The following MSRB3 variants were observed in gnomAD, a reference collection of about 807,000 sequenced individuals.
The protein encoded by MSRB3 is methionine-R-sulfoxide reductase B3.
Under a neutral mutation model 21.0 loss-of-function variants are expected in MSRB3, and 13 were observed. The ratio of observed to expected loss-of-function variants is 0.62; its 90% CI spans 0.40 to 0.98. MSRB3 has a LOEUF of 0.98. Among genes scored for constraint, MSRB3 ranks in the 50% least tolerant of loss-of-function variants. The pLI, the probability that MSRB3 is intolerant of heterozygous loss-of-function variation, is 0.00. For missense variants in MSRB3, 199 were observed against 230.3 expected, an observed-to-expected ratio of 0.86 and a Z score of 0.88; for synonymous variants, 87 against 88.6, an observed-to-expected ratio of 0.98 and a Z score of 0.10.
intron 2 of MSRB3, among the ~76,000 whole-genome samples, chr12:65,309,570 A>G (rs1374251838): frequency 6.6e-6 from 1 of 152,158 alleles, no homozygotes; most frequent in Admixed American, 6.6e-5. Flanking sequence ...ACCTGACTAG[A>G]CTAGAGGTAT....
chr12:65,343,210 T>C (rs181295438), intron 4 of MSRB3, among the ~76,000 whole-genome samples: 20 of 152,256 alleles, frequency 1.3e-4, no homozygotes, highest in Non-Finnish European at 2.9e-5. Context: ...CCAAAATCCA[T>C]ATTGCCCATC....
chr12:65,352,283 T>G (rs532329151), intron 4 of MSRB3, among the ~76,000 whole-genome samples: 18 of 152,176 alleles, frequency 1.2e-4, no homozygotes, highest in African/African-American at 4.1e-4. Context: ...CTAAAAACTC[T>G]CAGTAAATTA....
intron 1 of MSRB3, among the ~76,000 whole-genome samples, chr12:65,296,011 T>C (rs1215642218): frequency 6.6e-6 from 1 of 152,224 alleles, no homozygotes; most frequent in African/African-American, 2.4e-5. Context: ...ATAATTTCTA[T>C]TGTGCTATTC....
At chr12:65,327,673 T>C (rs961823321) in intron 3 of MSRB3, among the ~76,000 whole-genome samples, 3 of 152,228 alleles carry the variant, frequency 2.0e-5, no homozygotes, top group African/African-American at 7.2e-5. Flanking sequence ...TGATGTAACT[T>C]CTTGTTTTCA....
intron 5 of MSRB3, among the ~76,000 whole-genome samples, chr12:65,409,496 A>C (rs1880606987): frequency 6.6e-6 from 1 of 152,136 alleles, no homozygotes; most frequent in South Asian, 2.1e-4. Flanking sequence ...TATAGTCAAA[A>C]TATGGCATTA....
intron 5 of MSRB3, among the ~76,000 whole-genome samples, chr12:65,415,460 C>G (rs950639074): frequency 6.6e-6 from 1 of 152,158 alleles, no homozygotes; most frequent in Admixed American, 6.5e-5. Context: ...ACAGGAAGGA[C>G]AGATTCATAT....
intron 5 of MSRB3, among the ~76,000 whole-genome samples, chr12:65,443,692 TTG>T (rs1479880898): frequency 6.6e-6 from 1 of 152,166 alleles, no homozygotes; most frequent in African/African-American, 2.4e-5. Flanking sequence ...TGATTTTTTA[TTG>T]TGGTGAAATA....
rs1177607497 is a variant in MSRB3, at chr12:65,371,427, T to C, written c.292+2401T>C. Among the ~76,000 whole-genome samples, 6 of 151,658 alleles carry C rather than the reference T, an allele frequency of 4.0e-5. No individual in the cohort carries two copies. In the East Asian group the frequency reaches 7.8e-4, roughly 20 times the overall value. On this transcript the variant is annotated intron_variant, in intron 5 of 6. Coordinates refer to ENST00000308259, the MANE Select transcript of MSRB3 (RefSeq NM_001031679.3). ...CATCAAATACAGAAAGTAAACTAGG[T>C]CTGTCTAATGTTGTATACAGCTCTG...
At chr12:65,355,071 G>A (rs1877303296) in intron 4 of MSRB3, among the ~76,000 whole-genome samples, 1 of 151,712 alleles carries the variant, frequency 6.6e-6, no homozygotes, top group Admixed American at 6.6e-5. Context: ...TAGAAATGAG[G>A]GAAAGAGGTT....
chr12:65,317,422 A>G (rs983015072), intron 2 of MSRB3, among the ~76,000 whole-genome samples: 1 of 152,210 alleles, frequency 6.6e-6, no homozygotes, highest in Non-Finnish European at 1.5e-5. Context: ...TCAAATGACC[A>G]CATATTTAAT....
chr12:65,302,604 G>T (rs1260647218), intron 1 of MSRB3, among the ~76,000 whole-genome samples: 2 of 152,290 alleles, frequency 1.3e-5, no homozygotes, highest in Admixed American at 1.3e-4. Context: ...GATCGAGTAA[G>T]CATTCTGAAT....
chr12:65,344,773 A>C (rs1175314353), intron 4 of MSRB3, among the ~76,000 whole-genome samples: 1 of 152,080 alleles, frequency 6.6e-6, no homozygotes, highest in Non-Finnish European at 1.5e-5. Context: ...CTTTGAAAAG[A>C]CAATGGAAGA....
chr12:65,419,862 C>G, intron 5 of MSRB3: 1 of 687,670 alleles, frequency 1.5e-6, no homozygotes, highest in South Asian at 1.4e-5. Context: ...GCCCCGGAAG[C>G]TGGTGGAGCA....
At chr12:65,314,992 A>C (rs1874204109) in intron 2 of MSRB3, among the ~76,000 whole-genome samples, 1 of 152,186 alleles carries the variant, frequency 6.6e-6, no homozygotes, top group Non-Finnish European at 1.5e-5. Context: ...TCTTGCTCTC[A>C]ACAAACACAA....
intron 1 of MSRB3, among the ~76,000 whole-genome samples, chr12:65,302,149 AATATTG>A (rs1873372113): frequency 6.6e-6 from 1 of 152,226 alleles, no homozygotes; most frequent in East Asian, 1.9e-4. Flanking sequence ...TTAATAAGTA[AATATTG>A]ATATTTATAA....
At chr12:65,312,252 A>G (rs972654366) in intron 2 of MSRB3, among the ~76,000 whole-genome samples, 15 of 152,172 alleles carry the variant, frequency 9.9e-5, no homozygotes, top group Admixed American at 2.6e-4. Flanking sequence ...GGTTAATCAG[A>G]TCTTAAAACT....
chr12:65,330,523 A>G (rs958178325), intron 4 of MSRB3, among the ~76,000 whole-genome samples: 1 of 152,072 alleles, frequency 6.6e-6, no homozygotes, highest in Non-Finnish European at 1.5e-5. Context: ...TCTAGTGCCA[A>G]CTTCTGTATG....
chr12:65,442,261 C>A (rs1245228350), intron 5 of MSRB3, among the ~76,000 whole-genome samples: 3 of 151,950 alleles, frequency 2.0e-5, no homozygotes, highest in Non-Finnish European at 2.9e-5. Flanking sequence ...TGAGACTTAA[C>A]TGCCCCTCAG....
At chr12:65,321,062 A>G (rs1014592660) in intron 2 of MSRB3, among the ~76,000 whole-genome samples, 1 of 152,090 alleles carries the variant, frequency 6.6e-6, no homozygotes, top group Non-Finnish European at 1.5e-5. Context: ...TGGCCACTCT[A>G]TTTAAGATTA....
Sources: gnomAD v4.1 joint callset for allele counts (sites outside exome capture counted in the v4.1 genomes callset) on GRCh38, gnomAD v4.1.1 for gene constraint, MANE v1.5 for transcripts, NCBI Gene and HGNC (gene_info 2026-07-23, HGNC 2026-07-21) for gene names.